The following LRRTM4 variants were observed in gnomAD, a reference collection of about 807,000 sequenced individuals.
LRRTM4 encodes leucine-rich repeat transmembrane neuronal protein 4.
In LRRTM4, 25 loss-of-function variants were observed where a neutral mutation model predicts 47.6. The ratio of observed to expected loss-of-function variants is 0.53; its 90% CI spans 0.38 to 0.73. The LOEUF (loss-of-function observed/expected upper bound fraction) is 0.73. Ranked by LOEUF, LRRTM4 falls within the 30% of genes least tolerant of loss-of-function variation. LRRTM4 has a pLI of 0.00. For synonymous variants in LRRTM4, 311 were observed against 269.5 expected (o/e 1.15, Z -1.51); for missense variants, 638 against 713.4 (o/e 0.89, Z 1.20).
At chr2:76,796,815 T>G (rs1026144849) in intron 3 of LRRTM4, among the ~76,000 whole-genome samples, 2 of 151,982 alleles carry the variant, frequency 1.3e-5, no homozygotes, top group African/African-American at 4.8e-5. Flanking sequence ...TTTGACAAGC[T>G]GAGTGAAGAA....
At chr2:76,838,127 T>A (rs1287734513) in intron 3 of LRRTM4, among the ~76,000 whole-genome samples, 7 of 151,040 alleles carry the variant, frequency 4.6e-5, no homozygotes, top group African/African-American at 1.2e-4. Flanking sequence ...GAAGAAAAAA[T>A]TGGGGTATGT....
chr2:77,221,921 C>G (rs1264789720), intron 3 of LRRTM4, among the ~76,000 whole-genome samples: 1 of 152,102 alleles, frequency 6.6e-6, no homozygotes, highest in East Asian at 1.9e-4. Flanking sequence ...CAGCACCACA[C>G]CACACTTATT....
At chr2:77,312,853 A>C (rs755189595) in intron 3 of LRRTM4, among the ~76,000 whole-genome samples, 2 of 152,202 alleles carry the variant, frequency 1.3e-5, no homozygotes, top group African/African-American at 4.8e-5. Context: ...ATTTTGAGAT[A>C]TTGAAGTCAC....
At chr2:77,157,729 C>T (rs1488557379) in intron 3 of LRRTM4, among the ~76,000 whole-genome samples, 1 of 151,946 alleles carries the variant, frequency 6.6e-6, no homozygotes, top group Non-Finnish European at 1.5e-5. Context: ...TGTTTGTGAT[C>T]CTTATGGAAG....
chr2:77,030,198 T>C (rs1388969319), intron 3 of LRRTM4, among the ~76,000 whole-genome samples: 1 of 152,104 alleles, frequency 6.6e-6, no homozygotes, highest in Non-Finnish European at 1.5e-5. Context: ...TTTGGGAGGC[T>C]GAGGCGGGGA....
At chr2:76,844,638 G>T (rs865872993) in intron 3 of LRRTM4, among the ~76,000 whole-genome samples, 1 of 152,096 alleles carries the variant, frequency 6.6e-6, no homozygotes, top group African/African-American at 2.4e-5. Context: ...TTCCAGTAAT[G>T]AAATTTAAAA....
At chr2:76,947,599 A>G (rs1418711601) in intron 3 of LRRTM4, among the ~76,000 whole-genome samples, 1 of 151,892 alleles carries the variant, frequency 6.6e-6, no homozygotes, top group Non-Finnish European at 1.5e-5. Flanking sequence ...ACTAAAATAA[A>G]AAAAATGAAA....
chr2:77,020,072 G>A (rs1192377974), intron 3 of LRRTM4, among the ~76,000 whole-genome samples: 1 of 152,102 alleles, frequency 6.6e-6, no homozygotes, highest in Non-Finnish European at 1.5e-5. Context: ...ATCTAAGGAT[G>A]TGTCTAGGAT....
At chr2:76,830,507 AGTGTGTGCGTGTGTGTGTGT>A (rs1185263775) in intron 3 of LRRTM4, among the ~76,000 whole-genome samples, 6 of 119,024 alleles carry the variant, frequency 5.0e-5, no homozygotes, top group Non-Finnish European at 1.0e-4. Context: ...TATGTGTGGC[AGTGTGTGCGTGTGTGTGTGT>A]GTGTGTGTGT....
At chr2:76,781,867 C>T (rs1013546386) in intron 3 of LRRTM4, among the ~76,000 whole-genome samples, 9 of 152,064 alleles carry the variant, frequency 5.9e-5, no homozygotes, top group Non-Finnish European at 8.8e-5. Flanking sequence ...ATTTTTTCTC[C>T]TCAATGGTTT....
rs78869400 is a variant in LRRTM4 at position 76,862,364 on chromosome 2, C to T, written c.1552-113448G>A. On this transcript the variant is annotated intron_variant, in intron 3 of 3. Coordinates refer to ENST00000409884, the MANE Select transcript of LRRTM4 (RefSeq NM_001134745.3). ...AGAAAATGCTATCTTCAAGACCTAG[C>T]AATCACTTTTTATTTGCTAATTTTA... Among the ~76,000 whole-genome samples the T allele has an allele frequency of 3.8e-3, 572 of 152,218 alleles. 2 individuals carry two copies. The highest frequency in any genetic ancestry group is 0.011 in the African/African-American group (477 of 41,546).
intron 3 of LRRTM4, among the ~76,000 whole-genome samples, chr2:76,877,192 T>A (rs967459880): frequency 1.3e-5 from 2 of 152,156 alleles, no homozygotes; most frequent in Admixed American, 6.5e-5. Flanking sequence ...TTCTTTCAAT[T>A]GTTTTTATTC....
At chr2:77,152,588 A>G (rs2103788111) in intron 3 of LRRTM4, among the ~76,000 whole-genome samples, 1 of 152,172 alleles carries the variant, frequency 6.6e-6, no homozygotes, top group Middle Eastern at 3.4e-3. Flanking sequence ...TCGGCCTCCC[A>G]AAGTGCTGGG....
intron 3 of LRRTM4, among the ~76,000 whole-genome samples, chr2:76,999,625 C>A (rs1057497735): frequency 6.6e-6 from 1 of 152,008 alleles, no homozygotes; most frequent in Non-Finnish European, 1.5e-5. Flanking sequence ...GCTTTTCTAC[C>A]TTTCAGATTT....
chr2:76,979,696 C>CAATAGATAGATA (rs1491210096), intron 3 of LRRTM4, among the ~76,000 whole-genome samples: 2 of 146,452 alleles, frequency 1.4e-5, no homozygotes, highest in African/African-American at 5.2e-5. Context: ...AGAGTATAAG[C>CAATAGATAGATA]GATAGATAGA....
intron 3 of LRRTM4, among the ~76,000 whole-genome samples, chr2:77,373,483 C>G (rs972302171): frequency 6.6e-6 from 1 of 151,600 alleles, no homozygotes; most frequent in Non-Finnish European, 1.5e-5. Context: ...ATTTTAAGGT[C>G]TTCTCCACCT....
intron 3 of LRRTM4, among the ~76,000 whole-genome samples, chr2:77,142,496 C>T (rs1672151722): frequency 6.6e-6 from 1 of 151,804 alleles, no homozygotes; most frequent in African/African-American, 2.4e-5. Flanking sequence ...CTTGATAGTT[C>T]TATTGATTCG....
intron 3 of LRRTM4, among the ~76,000 whole-genome samples, chr2:77,102,320 C>T (rs962708337): frequency 6.6e-6 from 1 of 152,202 alleles, no homozygotes; most frequent in African/African-American, 2.4e-5. Context: ...AAGCACTGTA[C>T]TAGTGGATTC....
At chr2:76,906,178 TG>T (rs1224402936) in intron 3 of LRRTM4, among the ~76,000 whole-genome samples, 4 of 152,138 alleles carry the variant, frequency 2.6e-5, no homozygotes, top group East Asian at 3.9e-4. Flanking sequence ...CAGAAGAGAC[TG>T]GGGGCCAATA....
Sources: allele counts gnomAD v4.1 joint callset (sites outside exome capture counted in the v4.1 genomes callset), GRCh38; gene constraint gnomAD v4.1.1; transcripts MANE v1.5; gene names NCBI Gene and HGNC (gene_info 2026-07-23, HGNC 2026-07-21).